Variants in PTPRD observed in about 807,000 individuals in gnomAD.
PTPRD encodes the protein protein tyrosine phosphatase receptor type D, also known as receptor-type tyrosine-protein phosphatase delta.
A neutral mutation model predicts 214.5 loss-of-function variants in PTPRD; 34 were observed. The observed-to-expected ratio is 0.16, with a 90% CI of 0.12 to 0.21. The LOEUF (loss-of-function observed/expected upper bound fraction) is 0.21. Ranked by LOEUF, PTPRD falls within the 10% of genes least tolerant of loss-of-function variation. PTPRD has a pLI of 1.00. For missense variants in PTPRD, 2,545 were observed against 2,398.7 expected (o/e 1.06, Z -1.27); for synonymous variants, 1,128 against 845.7 (o/e 1.33, Z -5.79).
At chr9:10,182,909 GTAC>G (rs2099308603) in intron 3 of PTPRD, among the ~76,000 whole-genome samples, 1 of 152,124 alleles carries the variant, frequency 6.6e-6, no homozygotes, top group Non-Finnish European at 1.5e-5. Context: ...ATGACACCAT[GTAC>G]TTGATCAGAA....
At chr9:8,507,794 A>T (rs775037077) in intron 21 of PTPRD, among the ~76,000 whole-genome samples, 8 of 152,226 alleles carry the variant, frequency 5.3e-5, no homozygotes, top group Non-Finnish European at 8.8e-5. Flanking sequence ...AAGCATAATA[A>T]GTACAAAATA....
At chr9:10,473,564 C>T (rs1267707039) in intron 2 of PTPRD, among the ~76,000 whole-genome samples, 2 of 152,048 alleles carry the variant, frequency 1.3e-5, no homozygotes, top group Non-Finnish European at 2.9e-5. Flanking sequence ...GGAATTGTAA[C>T]ATCAGAACTA....
At chr9:8,826,144 T>C (rs904039437) in intron 11 of PTPRD, among the ~76,000 whole-genome samples, 1 of 151,966 alleles carries the variant, frequency 6.6e-6, no homozygotes, top group Non-Finnish European at 1.5e-5. Flanking sequence ...CCAATCTTCC[T>C]CCTCCTCCAC....
At chr9:10,380,994 T>A (rs890784986) in intron 2 of PTPRD, among the ~76,000 whole-genome samples, 9 of 151,890 alleles carry the variant, frequency 5.9e-5, no homozygotes, top group African/African-American at 2.2e-4. Flanking sequence ...TAGTGATATT[T>A]AAAAATCCAC....
chr9:10,244,147 T>C (rs778640968), intron 3 of PTPRD, among the ~76,000 whole-genome samples: 8 of 152,086 alleles, frequency 5.3e-5, no homozygotes, highest in African/African-American at 7.2e-5. Flanking sequence ...CACTCAAACT[T>C]TGAGCTCTGG....
At chr9:9,903,052 T>C (rs1313256039) in intron 5 of PTPRD, among the ~76,000 whole-genome samples, 1 of 151,028 alleles carries the variant, frequency 6.6e-6, no homozygotes, top group Non-Finnish European at 1.5e-5. Flanking sequence ...GGATTTTACA[T>C]ATGTATATGT....
chr9:9,824,162 C>T (rs2153581664), intron 5 of PTPRD, among the ~76,000 whole-genome samples: 1 of 147,296 alleles, frequency 6.8e-6, no homozygotes, highest in Middle Eastern at 3.5e-3. Flanking sequence ...AAAGGTATCT[C>T]ATTATGTATT....
At chr9:9,472,393 C>T (rs1338201025) in intron 8 of PTPRD, among the ~76,000 whole-genome samples, 1 of 151,482 alleles carries the variant, frequency 6.6e-6, no homozygotes, top group Non-Finnish European at 1.5e-5. Flanking sequence ...TTAGTAGAGA[C>T]GGGGTTTCAC....
At chr9:10,523,556 T>A (rs2053098531) in intron 2 of PTPRD, among the ~76,000 whole-genome samples, 1 of 139,032 alleles carries the variant, frequency 7.2e-6, no homozygotes, top group South Asian at 2.3e-4. Context: ...AGAAAAAATA[T>A]CTTTCTAATA....
intron 14 of PTPRD, among the ~76,000 whole-genome samples, chr9:8,562,366 A>AT (rs1196332797): frequency 1.3e-4 from 20 of 151,950 alleles, no homozygotes; most frequent in African/African-American, 3.1e-4. Flanking sequence ...AAAATTAAGT[A>AT]TTTTTTGAAA....
intron 9 of PTPRD, among the ~76,000 whole-genome samples, chr9:9,244,463 A>G (rs2099971967): frequency 2.0e-5 from 3 of 152,144 alleles, no homozygotes. Context: ...AACAGAACAG[A>G]GCCCTCAGAA....
intron 36 of PTPRD, among the ~76,000 whole-genome samples, chr9:8,399,756 T>C (rs754612986): frequency 9.2e-5 from 14 of 152,304 alleles, no homozygotes; most frequent in East Asian, 3.9e-4. Flanking sequence ...TTAGGTTTGA[T>C]GTACACAGGC....
At chr9:9,382,138 C>G (rs115108998) in intron 9 of PTPRD, among the ~76,000 whole-genome samples, 2 of 148,192 alleles carry the variant, frequency 1.3e-5, no homozygotes, top group Non-Finnish European at 3.0e-5. Context: ...CTTTTTTGTG[C>G]TATTGTAAAT....
At chr9:9,019,327 AGAAAGAAAGAAC>A (rs762495371) in intron 10 of PTPRD, among the ~76,000 whole-genome samples, 25,536 of 79,018 alleles carry the variant, frequency 0.32, 3,309 homozygotes, top group South Asian at 0.41. Flanking sequence ...AAAGAAAGAA[AGAAAGAAAGAAC>A]GAAAGAAAGA....
chr9:8,450,729 G>C (rs2095903634), intron 33 of PTPRD, among the ~76,000 whole-genome samples: 2 of 152,118 alleles, frequency 1.3e-5, no homozygotes, highest in Admixed American at 6.5e-5. Context: ...TGTCAGATCT[G>C]TATATAAGAT....
At chr9:9,917,069 GA>G (rs2081055280) in intron 5 of PTPRD, among the ~76,000 whole-genome samples, 1 of 150,492 alleles carries the variant, frequency 6.6e-6, no homozygotes, top group Non-Finnish European at 1.5e-5. Context: ...GTAGTATTAA[GA>G]GGCAAGTATA....
chr9:9,385,437 T>G (rs142140785), intron 9 of PTPRD, among the ~76,000 whole-genome samples: 22 of 152,304 alleles, frequency 1.4e-4, no homozygotes, highest in Admixed American at 8.5e-4. Context: ...GATCTCAAAA[T>G]GCTTACAGAT....
At chr9:9,903,705 T>C (rs1250117890) in intron 5 of PTPRD, among the ~76,000 whole-genome samples, 2 of 152,122 alleles carry the variant, frequency 1.3e-5, no homozygotes, top group African/African-American at 4.8e-5. Context: ...TCCCTCTTTC[T>C]TCTTTCTGTC....
intron 3 of PTPRD, among the ~76,000 whole-genome samples, chr9:10,177,782 G>T (rs1341897340): frequency 1.3e-5 from 2 of 151,726 alleles, no homozygotes; most frequent in African/African-American, 4.8e-5. Flanking sequence ...TGTTCTGGAG[G>T]GGTCATATTT....
Sources: allele counts gnomAD v4.1 joint callset (sites outside exome capture counted in the v4.1 genomes callset), GRCh38; gene constraint gnomAD v4.1.1; transcripts MANE v1.5; gene names NCBI Gene and HGNC (gene_info 2026-07-23, HGNC 2026-07-21).